LRRC4C: variants seen among roughly 807,000 people sequenced by gnomAD.
The protein encoded by LRRC4C is leucine-rich repeat-containing protein 4C.
A neutral mutation model predicts 33.6 loss-of-function variants in LRRC4C; 5 were observed. The ratio of observed to expected loss-of-function variants is 0.15; its 90% CI spans 0.08 to 0.31. The LOEUF (loss-of-function observed/expected upper bound fraction) is 0.31. Among genes scored for constraint, LRRC4C ranks in the 10% least tolerant of loss-of-function variants. The pLI is 1.00. For missense variants in LRRC4C, 560 were observed against 796.7 expected (o/e 0.70, Z 3.58); for synonymous variants, 329 against 302.0 (o/e 1.09, Z -0.93).
intron 1 of LRRC4C, among the ~76,000 whole-genome samples, chr11:41,142,696 CAA>C (rs113400238): frequency 1.3e-5 from 2 of 149,376 alleles, no homozygotes; most frequent in African/African-American, 2.5e-5. Context: ...CCTCTGATAA[CAA>C]AAAAAAAGGC....
chr11:41,223,963 A>T (rs1947415599), intron 1 of LRRC4C, among the ~76,000 whole-genome samples: 1 of 152,080 alleles, frequency 6.6e-6, no homozygotes, highest in African/African-American at 2.4e-5. Flanking sequence ...GATTTATTCC[A>T]TCTCTGTGTG....
chr11:40,588,297 G>A (rs1958860600), intron 3 of LRRC4C, among the ~76,000 whole-genome samples: 1 of 151,886 alleles, frequency 6.6e-6, no homozygotes, highest in Non-Finnish European at 1.5e-5. Context: ...ATGGTAGTTT[G>A]TATTTCTGTG....
chr11:40,895,523 A>G (rs906089649), intron 2 of LRRC4C, among the ~76,000 whole-genome samples: 2 of 152,156 alleles, frequency 1.3e-5, no homozygotes, highest in African/African-American at 4.8e-5. Context: ...AGGGCTTCTG[A>G]ATTCCAGGGA....
At chr11:40,698,186 C>CT (rs1945676101) in intron 2 of LRRC4C, among the ~76,000 whole-genome samples, 1 of 151,650 alleles carries the variant, frequency 6.6e-6, no homozygotes, top group South Asian at 2.1e-4. Flanking sequence ...TTAAAAATTG[C>CT]TTTTTCATAT....
intron 2 of LRRC4C, among the ~76,000 whole-genome samples, chr11:40,803,279 G>A (rs1382685642): frequency 6.6e-6 from 1 of 152,110 alleles, no homozygotes; most frequent in African/African-American, 2.4e-5. Flanking sequence ...TAAGTAATGT[G>A]TCCCCAAGTC....
intron 1 of LRRC4C, among the ~76,000 whole-genome samples, chr11:41,320,054 A>G (rs570907085): frequency 6.6e-6 from 1 of 152,350 alleles, no homozygotes; most frequent in African/African-American, 2.4e-5. Flanking sequence ...AAAAAAGTAT[A>G]GAATTTTGAC....
At chr11:41,234,955 C>A (rs1947953676) in intron 1 of LRRC4C, among the ~76,000 whole-genome samples, 1 of 151,892 alleles carries the variant, frequency 6.6e-6, no homozygotes, top group Admixed American at 6.6e-5. Context: ...TTGCAAAGGG[C>A]CAGAGCCTGG....
At chr11:40,747,677 G>A (rs759781566) in intron 2 of LRRC4C, among the ~76,000 whole-genome samples, 1 of 151,722 alleles carries the variant, frequency 6.6e-6, no homozygotes, top group African/African-American at 2.4e-5. Context: ...AAATAATTTA[G>A]GATATGAATG....
intron 3 of LRRC4C, among the ~76,000 whole-genome samples, chr11:40,393,026 T>G (rs1344990837): frequency 1.3e-5 from 2 of 152,060 alleles, no homozygotes; most frequent in East Asian, 3.9e-4. Flanking sequence ...AAGGCATGTA[T>G]AAAGGGCTGA....
chr11:41,385,717 T>C (rs1953335621), intron 1 of LRRC4C, among the ~76,000 whole-genome samples: 1 of 151,080 alleles, frequency 6.6e-6, no homozygotes, highest in African/African-American at 2.4e-5. Flanking sequence ...CAAAATAATA[T>C]AAAAGAAAGT....
At chr11:40,528,076 A>C (rs1956128410) in intron 3 of LRRC4C, among the ~76,000 whole-genome samples, 1 of 152,182 alleles carries the variant, frequency 6.6e-6, no homozygotes, top group South Asian at 2.1e-4. Context: ...TATGGATATA[A>C]GTGAAGTTTC....
intron 3 of LRRC4C, among the ~76,000 whole-genome samples, chr11:40,586,162 C>T (rs1958729768): frequency 6.6e-6 from 1 of 150,828 alleles, no homozygotes; most frequent in African/African-American, 2.4e-5. Flanking sequence ...TAATTATTGC[C>T]ATTCTAACTG....
At chr11:40,576,292 G>T (rs577452852) in intron 3 of LRRC4C, among the ~76,000 whole-genome samples, 4 of 152,338 alleles carry the variant, frequency 2.6e-5, no homozygotes, top group Admixed American at 2.6e-4. Flanking sequence ...GTGGAACTAA[G>T]CTGACAGATG....
intron 1 of LRRC4C, among the ~76,000 whole-genome samples, chr11:40,985,292 G>T (rs368977815): frequency 2.6e-5 from 4 of 151,892 alleles, no homozygotes; most frequent in African/African-American, 9.7e-5. Flanking sequence ...GAGTCTATGG[G>T]TTTTTCTTCC....
At chr11:40,547,188 T>G (rs1477567343) in intron 3 of LRRC4C, among the ~76,000 whole-genome samples, 1 of 152,146 alleles carries the variant, frequency 6.6e-6, no homozygotes, top group African/African-American at 2.4e-5. Flanking sequence ...TATATTCAGC[T>G]GAGAGCACCA....
At chr11:41,203,754 G>C (rs550910097) in intron 1 of LRRC4C, among the ~76,000 whole-genome samples, 20 of 152,268 alleles carry the variant, frequency 1.3e-4, no homozygotes, top group African/African-American at 4.3e-4. Flanking sequence ...TATATAGACA[G>C]TCTTTAGAAT....
intron 2 of LRRC4C, among the ~76,000 whole-genome samples, chr11:40,830,562 T>A (rs1011303362): frequency 3.3e-5 from 5 of 152,092 alleles, no homozygotes; most frequent in African/African-American, 1.2e-4. Context: ...ATAAGTTCTT[T>A]ACGAAAAATA....
At chr11:41,305,988 C>T (rs191321181) in intron 1 of LRRC4C, among the ~76,000 whole-genome samples, 315 of 147,268 alleles carry the variant, frequency 2.1e-3, no homozygotes, top group Non-Finnish European at 3.3e-3. Context: ...GTATGCTGAA[C>T]GCTGGCCCCC....
intron 3 of LRRC4C, among the ~76,000 whole-genome samples, chr11:40,598,954 G>T (rs1959676611): frequency 1.3e-5 from 2 of 152,082 alleles, no homozygotes; most frequent in Admixed American, 6.6e-5. Flanking sequence ...ACCCCTACAT[G>T]GCACATGAGT....
Sources: gnomAD v4.1 joint callset for allele counts (sites outside exome capture counted in the v4.1 genomes callset) on GRCh38, gnomAD v4.1.1 for gene constraint, MANE v1.5 for transcripts, NCBI Gene and HGNC (gene_info 2026-07-23, HGNC 2026-07-21) for gene names.